The following ANO10 variants were observed in gnomAD, a reference collection of about 807,000 sequenced individuals.
ANO10 encodes anoctamin 10, also known as anoctamin-10.
Under a neutral mutation model 74.7 loss-of-function variants are expected in ANO10, and 77 were observed. The ratio of observed to expected loss-of-function variants is 1.03; its 90% CI spans 0.86 to 1.25. ANO10 has a LOEUF of 1.25. ANO10 is among the 50% of genes most tolerant of loss of function. The pLI is 0.00. For missense variants in ANO10, 721 were observed against 778.1 expected, an observed-to-expected ratio of 0.93 and a Z score of 0.87; for synonymous variants, 279 against 284.9, an observed-to-expected ratio of 0.98 and a Z score of 0.21.
chr3:43,456,645 CAACACACACA>C (rs147007786), intron 11 of ANO10, among the ~76,000 whole-genome samples: 3,373 of 152,236 alleles, frequency 0.022, 62 homozygotes, highest in Admixed American at 0.033. Flanking sequence ...TCATTAATTA[CAACACACACA>C]AACACCATAA....
At chr3:43,524,435 A>C (rs959686194) in intron 11 of ANO10, among the ~76,000 whole-genome samples, 1 of 152,124 alleles carries the variant, frequency 6.6e-6, no homozygotes, top group Admixed American at 6.5e-5. Context: ...TGCCTGCAAC[A>C]GTTCCTGCAT....
intron 11 of ANO10, among the ~76,000 whole-genome samples, chr3:43,450,729 A>G (rs184508192): frequency 9.6e-4 from 146 of 152,338 alleles, no homozygotes; most frequent in Non-Finnish European, 1.6e-3. Context: ...AACTAAAGCC[A>G]TAAGAAAGGT....
At chr3:43,658,936 G>A (rs900207170) in intron 1 of ANO10, among the ~76,000 whole-genome samples, 2 of 152,076 alleles carry the variant, frequency 1.3e-5, no homozygotes, top group Non-Finnish European at 2.9e-5. Flanking sequence ...GACCTGGGTG[G>A]TAGTTGTGTT....
At chr3:43,660,770 C>T (rs1488992068) in intron 1 of ANO10, among the ~76,000 whole-genome samples, 1 of 152,150 alleles carries the variant, frequency 6.6e-6, no homozygotes, top group Non-Finnish European at 1.5e-5. Flanking sequence ...GCCTGACCAA[C>T]ATGGAGAAAC....
intron 11 of ANO10, among the ~76,000 whole-genome samples, chr3:43,534,638 C>A (rs2078625249): frequency 6.6e-6 from 1 of 152,214 alleles, no homozygotes; most frequent in Non-Finnish European, 1.5e-5. Context: ...GTGAAAGCCA[C>A]CTCTCTGCAG....
intron 11 of ANO10, among the ~76,000 whole-genome samples, chr3:43,455,005 T>G (rs181266648): frequency 1.3e-5 from 2 of 152,042 alleles, no homozygotes; most frequent in East Asian, 3.9e-4. Flanking sequence ...GAGAATAGAA[T>G]CCAGCCCCTG....
In ANO10 at chr3:43,539,024, G is replaced by A. The variant is rs369711965; in HGVS notation, c.1797+10696C>T. Among the ~76,000 whole-genome samples, 38 of 152,184 alleles carry A rather than the reference G, an allele frequency of 2.5e-4. No individual in the cohort carries two copies. The South Asian group carries it at 7.9e-3, about 32-fold the overall frequency. Reference sequence around the variant, plus strand: ...ACCATTTTGGAATAAAATGTAAATGGGCTATAAAGTTTTCATCATGACCTT... The same window carrying A: ...ACCATTTTGGAATAAAATGTAAATGAGCTATAAAGTTTTCATCATGACCTT... On this transcript the variant is annotated intron_variant, in intron 11 of 12. Coordinates refer to ENST00000292246, the MANE Select transcript of ANO10 (RefSeq NM_018075.5).
intron 7 of ANO10, among the ~76,000 whole-genome samples, chr3:43,566,040 G>T (rs1329774042): frequency 6.6e-6 from 1 of 152,184 alleles, no homozygotes; most frequent in Non-Finnish European, 1.5e-5. Flanking sequence ...AAGGGGTCAG[G>T]GAGTTCCCTT....
intron 4 of ANO10, among the ~76,000 whole-genome samples, chr3:43,593,557 G>C (rs1014318776): frequency 3.9e-5 from 6 of 152,200 alleles, no homozygotes; most frequent in Non-Finnish European, 4.4e-5. Context: ...ACGAGCAAAT[G>C]CTGAAAGATT....
chr3:43,577,320 T>A (rs538843841), intron 5 of ANO10, 59 bp from the exon 6 acceptor site: 1 of 1,505,976 alleles, frequency 6.6e-7, no homozygotes, highest in East Asian at 2.4e-5. Flanking sequence ...TAAAAAATCA[T>A]TTCAAGTACG....
At chr3:43,554,036 A>T (rs1171170773) in intron 10 of ANO10, among the ~76,000 whole-genome samples, 2 of 152,150 alleles carry the variant, frequency 1.3e-5, no homozygotes, top group Non-Finnish European at 2.9e-5. Context: ...AGATATGGTC[A>T]TAATTACTCA....
intron 12 of ANO10, among the ~76,000 whole-genome samples, chr3:43,414,492 C>T (rs930757664): frequency 1.3e-5 from 2 of 152,108 alleles, no homozygotes; most frequent in African/African-American, 4.8e-5. Flanking sequence ...CAACAGGAGC[C>T]TCATAATTTT....
At chr3:43,470,150 G>A (rs1286227201) in intron 11 of ANO10, among the ~76,000 whole-genome samples, 3 of 152,144 alleles carry the variant, frequency 2.0e-5, no homozygotes, top group African/African-American at 7.2e-5. Flanking sequence ...TTACTCAGTG[G>A]TAAGAAGAAA....
rs180994781 is a variant in ANO10 at position 43,498,226 on chromosome 3, A to C, written c.1797+51494T>G. Among the ~76,000 whole-genome samples, 718 of 152,332 alleles carry C rather than the reference A, an allele frequency of 4.7e-3. 5 individuals carry two copies. The highest frequency in any genetic ancestry group is 0.017 in the African/African-American group (690 of 41,576). Reference sequence around the variant, plus strand: ...GTTTGGCCACTGACTGGCTGTTGGCAGGTACAGCAAGGAGACAGTGGGAGT... The same window carrying C: ...GTTTGGCCACTGACTGGCTGTTGGCCGGTACAGCAAGGAGACAGTGGGAGT... On this transcript the variant is annotated intron_variant, in intron 11 of 12. Transcript: ENST00000292246.
rs771653072 is a variant in ANO10 at position 43,432,696 on chromosome 3, G to C, written c.1829C>G (p.Ala610Gly). The change falls in exon 12 of 13, where the codon GCA (alanine) becomes GGA (glycine). Residue 610 changes from alanine (A) to glycine (G), a missense_variant. By Grantham distance (60) the Ala-to-Gly change is moderately conservative (BLOSUM62 0). Coordinates refer to ENST00000292246, the MANE Select transcript of ANO10 (RefSeq NM_018075.5). The stretch of plus-strand genomic sequence containing the variant: ...CCGTGGCTTATCAGGTATGGCAAAT[G>C]CAAGTATAAACTTTAAAGCCAGGAG... ...HALLALKFIL[A>G]FAIPDKPRHI... is the part of the protein sequence containing the mutation. 5 of 1,613,690 alleles carry C rather than the reference G, an allele frequency of 3.1e-6. No homozygotes were observed. The highest frequency in any genetic ancestry group is 4.2e-6 in the Non-Finnish European group (5 of 1,179,872).
intron 7 of ANO10, among the ~76,000 whole-genome samples, 192 bp from the exon 8 acceptor site, chr3:43,565,919 G>C (rs556824420): frequency 5.3e-5 from 8 of 152,288 alleles, no homozygotes; most frequent in African/African-American, 1.9e-4. Flanking sequence ...TTACATCTGA[G>C]GTACCGGGTT....
chr3:43,385,126 T>G (rs1319088066), intron 12 of ANO10, among the ~76,000 whole-genome samples: 2 of 151,940 alleles, frequency 1.3e-5, no homozygotes. Flanking sequence ...CAGACAATTC[T>G]CAAAATAAGA....
chr3:43,422,591 G>A (rs2148917218), intron 12 of ANO10, among the ~76,000 whole-genome samples: 1 of 152,240 alleles, frequency 6.6e-6, no homozygotes, highest in Admixed American at 6.5e-5. Flanking sequence ...CTGTGGAATG[G>A]ACCTGTGCCT....
chr3:43,688,051 G>A (rs2084296903), intron 1 of ANO10, among the ~76,000 whole-genome samples: 1 of 152,234 alleles, frequency 6.6e-6, no homozygotes, highest in African/African-American at 2.4e-5. Context: ...AGCTAGAACA[G>A]AGCTACTCCC....
Sources: allele counts gnomAD v4.1 joint callset (sites outside exome capture counted in the v4.1 genomes callset), GRCh38; gene constraint gnomAD v4.1.1; transcripts MANE v1.5; gene names NCBI Gene and HGNC (gene_info 2026-07-23, HGNC 2026-07-21).